ERBB4: variants seen among roughly 807,000 people sequenced by gnomAD.
ERBB4 encodes the protein erb-b2 receptor tyrosine kinase 4.
In ERBB4, 42 loss-of-function variants were observed where a neutral mutation model predicts 158.0. The observed-to-expected ratio is 0.27, with a 90% CI of 0.21 to 0.34. ERBB4 has a LOEUF of 0.34. Ranked by LOEUF, ERBB4 falls within the 10% of genes least tolerant of loss-of-function variation. The probability of loss-of-function intolerance (pLI) is 1.00; values close to 1 mark genes in which losing one functional copy is unlikely to be tolerated. For missense variants in ERBB4, 1,333 were observed against 1,624.1 expected (o/e 0.82, Z 3.08); for synonymous variants, 583 against 558.7 (o/e 1.04, Z -0.61).
At chr2:212,533,499 C>T (rs1416809834) in intron 1 of ERBB4, among the ~76,000 whole-genome samples, 2 of 152,094 alleles carry the variant, frequency 1.3e-5, no homozygotes, top group Non-Finnish European at 2.9e-5. Context: ...TGACTACGTC[C>T]CATGTCCCAT....
intron 1 of ERBB4, among the ~76,000 whole-genome samples, chr2:212,249,750 C>T (rs1051274299): frequency 6.6e-5 from 10 of 151,984 alleles, no homozygotes; most frequent in Non-Finnish European, 1.5e-4. Context: ...AAGCCACAAA[C>T]TAATAGGAAG....
At chr2:211,459,889 A>G (rs935174532) in intron 20 of ERBB4, among the ~76,000 whole-genome samples, 4 of 152,174 alleles carry the variant, frequency 2.6e-5, no homozygotes, top group African/African-American at 7.2e-5. Context: ...AATAATAAAT[A>G]TATACACACA....
Position 211,713,651 on chromosome 2 carries a change from G to T in ERBB4, c.884-3C>A. 23 of 1,430,196 alleles carry T rather than the reference G, an allele frequency of 1.6e-5. No homozygotes were observed. Among genetic ancestry groups the T allele is most frequent in the Non-Finnish European group, 1.7e-5 (18 of 1,036,414 alleles). The allele number at this position is 1,430,196 out of a possible 1,614,324, so 88.6% of individuals were successfully genotyped here. A position where few individuals can be genotyped will look rare whatever the true frequency, so the allele number is the denominator to read the frequency against. ...ACTGGAATCTACCACAAAGTTATCT[G>T]ATTAAAAAAAAAAAAAAGGTAAAAT... is the stretch of plus-strand genomic sequence containing the variant. On this transcript the variant is annotated splice_region_variant and splice_polypyrimidine_tract_variant and intron_variant, in intron 7 of 27. Transcript: ENST00000342788.
At chr2:212,139,671 A>G (rs1464642828) in intron 1 of ERBB4, among the ~76,000 whole-genome samples, 2 of 151,970 alleles carry the variant, frequency 1.3e-5, no homozygotes, top group African/African-American at 4.8e-5. Flanking sequence ...TCTAAATTAT[A>G]TATTTTGTAG....
rs530770849 is a variant in ERBB4, at chr2:212,075,185, A to AT, written c.234+49566dup. Among the ~76,000 whole-genome samples, 18 of 151,920 alleles carry AT rather than the reference A, an allele frequency of 1.2e-4. No individual in the cohort carries two copies. In the South Asian group the frequency reaches 1.7e-3, roughly 14 times the overall value. ...ATACTCTAGAAAATTCTTCCATGGG[A>AT]TTTTTTTTAAAAGAAATACTAATTA... On this transcript the variant is annotated intron_variant, in intron 2 of 27. Coordinates refer to ENST00000342788, the MANE Select transcript of ERBB4 (RefSeq NM_005235.3).
At chr2:212,029,816 C>A (rs16847545) in intron 2 of ERBB4, among the ~76,000 whole-genome samples, 19,944 of 152,082 alleles carry the variant, frequency 0.13, 1,781 homozygotes, top group African/African-American at 0.25. Flanking sequence ...CAGGATAATA[C>A]CGAGTGTGTA....
At chr2:212,023,520 T>TAA (rs138635956) in intron 2 of ERBB4, among the ~76,000 whole-genome samples, 8 of 151,194 alleles carry the variant, frequency 5.3e-5, no homozygotes, top group South Asian at 2.1e-4. Flanking sequence ...GTTAATTTTT[T>TAA]AAAAAAAACA....
chr2:212,009,438 C>A (rs2076333943), intron 2 of ERBB4, among the ~76,000 whole-genome samples: 1 of 151,456 alleles, frequency 6.6e-6, no homozygotes, highest in South Asian at 2.1e-4. Flanking sequence ...GGGGCAAGAA[C>A]ATATTCTTCC....
At chr2:211,711,540 G>A (rs1468912589) in intron 9 of ERBB4, among the ~76,000 whole-genome samples, 1 of 152,132 alleles carries the variant, frequency 6.6e-6, no homozygotes, top group South Asian at 2.1e-4. Context: ...TCTTACAGTG[G>A]TGCTAACTTC....
At chr2:211,709,515 C>A (rs905216077) in intron 9 of ERBB4, among the ~76,000 whole-genome samples, 2 of 151,986 alleles carry the variant, frequency 1.3e-5, no homozygotes, top group East Asian at 3.9e-4. Context: ...TCACAAAATT[C>A]TTGCAGTGTT....
rs201275165 is a variant in ERBB4 at position 211,383,964 on chromosome 2, T to C, written c.3578A>G (p.Asn1193Ser). 4.1e-5 allele frequency: 66 copies of C among 1,613,982 alleles called. No individual in the cohort carries two copies. The highest frequency in any genetic ancestry group is 3.0e-4 in the South Asian group (27 of 91,082). The stretch of plus-strand genomic sequence containing the variant: ...CTCATCCTCGGCCTTGGGTGGACCA[T>C]TGGATGCATTGTGATATTCGGGATT... The part of the protein sequence containing the change: ...LDNPEYHNAS[N>S]GPPKAEDEYV... The change falls in exon 28 of 28, where the codon AAT becomes AGT. Residue 1193 changes from asparagine to serine, a missense_variant. Around this residue, in one of 5 missense-constraint regions of ERBB4, gnomAD observed 252 missense variants for 241.3 expected, o/e 1.04. Transcript: ENST00000342788.
At chr2:211,972,645 G>A (rs990516941) in intron 2 of ERBB4, among the ~76,000 whole-genome samples, 2 of 152,150 alleles carry the variant, frequency 1.3e-5, no homozygotes, top group African/African-American at 4.8e-5. Flanking sequence ...ACAGAAACAA[G>A]CAATGGAGAA....
chr2:211,708,342 T>C (rs1181826404), intron 9 of ERBB4, among the ~76,000 whole-genome samples: 2 of 152,138 alleles, frequency 1.3e-5, no homozygotes, highest in African/African-American at 2.4e-5. Flanking sequence ...ATTATAATTA[T>C]TATTTTAAAT....
intron 1 of ERBB4, among the ~76,000 whole-genome samples, chr2:212,161,116 T>A (rs1247672781): frequency 6.6e-6 from 1 of 151,990 alleles, no homozygotes; most frequent in Admixed American, 6.6e-5. Flanking sequence ...GATGGAAGGC[T>A]GCTTAAAATA....
chr2:211,501,821 G>C (rs925503865), intron 20 of ERBB4, among the ~76,000 whole-genome samples: 2 of 151,948 alleles, frequency 1.3e-5, no homozygotes, highest in African/African-American at 4.8e-5. Flanking sequence ...TGTTAATTCA[G>C]GGTCACTTTT....
At chr2:211,666,949 A>G (rs988838204) in intron 14 of ERBB4, among the ~76,000 whole-genome samples, 1 of 152,210 alleles carries the variant, frequency 6.6e-6, no homozygotes, top group African/African-American at 2.4e-5. Flanking sequence ...AGAACTAGAT[A>G]TTAGGTAGGG....
chr2:211,681,893 G>T (rs1419453680), intron 12 of ERBB4, among the ~76,000 whole-genome samples: 1 of 151,630 alleles, frequency 6.6e-6, no homozygotes, highest in Non-Finnish European at 1.5e-5. Flanking sequence ...TTTTTGGTGT[G>T]TCCAACCCAG....
chr2:211,931,105 C>T (rs1316355018), intron 3 of ERBB4, among the ~76,000 whole-genome samples: 1 of 152,046 alleles, frequency 6.6e-6, no homozygotes, highest in East Asian at 1.9e-4. Context: ...ACTGTTAAGC[C>T]TTGGCTTAAA....
At chr2:211,723,847 G>A (rs1403342204) in intron 6 of ERBB4, among the ~76,000 whole-genome samples, 1 of 152,136 alleles carries the variant, frequency 6.6e-6, no homozygotes, top group Non-Finnish European at 1.5e-5. Flanking sequence ...CTTACACCAA[G>A]GCCTTAGTCT....
Sources: allele counts gnomAD v4.1 joint callset (sites outside exome capture counted in the v4.1 genomes callset), GRCh38; gene constraint gnomAD v4.1.1; regional missense constraint gnomAD v4.1.1; transcripts MANE v1.5; gene names NCBI Gene and HGNC (gene_info 2026-07-23, HGNC 2026-07-21).